The following MYO7A variants were observed in gnomAD, a reference collection of about 807,000 sequenced individuals.
The protein encoded by MYO7A is unconventional myosin-VIIa.
MYO7A carries 210 observed loss-of-function variants against 263.8 expected under a neutral mutation model. The observed-to-expected ratio is 0.80, with a 90% CI of 0.71 to 0.89. The LOEUF is 0.89. Among genes scored for constraint, MYO7A ranks in the 40% least tolerant of loss-of-function variants. MYO7A has a pLI of 0.00. For missense variants in MYO7A, 2,820 were observed against 2,968.3 expected, an observed-to-expected ratio of 0.95 and a Z score of 1.16; for synonymous variants, 1,239 against 1,197.3, an observed-to-expected ratio of 1.03 and a Z score of -0.72.
chr11:77,209,923 A>G (rs1170153355), intron 44 of MYO7A, among the ~76,000 whole-genome samples: 1 of 152,068 alleles, frequency 6.6e-6, no homozygotes. Context: ...CTTGCCTTGT[A>G]CCTGGCTCTC....
In MYO7A at chr11:77,142,851, C is replaced by T. The variant is rs1555051611; in HGVS notation, c.132+29C>T. 10 of 1,551,000 alleles carry T rather than the reference C, an allele frequency of 6.4e-6. No individual in the cohort carries two copies. The South Asian group carries it at 8.3e-5, about 13-fold the overall frequency. On this transcript the variant is annotated intron_variant, in intron 3 of 48. Coordinates refer to ENST00000409709, the MANE Select transcript of MYO7A (RefSeq NM_000260.4). The stretch of plus-strand genomic sequence containing the variant: ...AGTAGTCCCCTCCCTCCTCCTGCCC[C>T]ATGCCTTGGGGTCAGACCTGGGCTG...
intron 15 of MYO7A, among the ~76,000 whole-genome samples, chr11:77,168,610 C>T (rs1463446092): frequency 6.6e-6 from 1 of 152,126 alleles, no homozygotes; most frequent in Non-Finnish European, 1.5e-5. Flanking sequence ...GCCTGGGCAA[C>T]ATAGTGAGAC....
intron 32 of MYO7A, among the ~76,000 whole-genome samples, chr11:77,196,418 T>C (rs930430312): frequency 1.1e-4 from 17 of 151,420 alleles, no homozygotes; most frequent in African/African-American, 3.9e-4. Flanking sequence ...TCTGAGTTGC[T>C]GGGGGTGAGG....
rs568495838 is a variant in MYO7A, at chr11:77,184,687, G to A, written c.3475G>A (p.Gly1159Ser). The A allele has an allele frequency of 3.1e-5, 49 of 1,599,560 alleles. No homozygotes were observed. The highest frequency in any genetic ancestry group is 2.9e-4 in the East Asian group (13 of 44,432). The change falls in exon 27 of 49, where the codon GGC becomes AGC. Residue 1159 changes from glycine (G) to serine (S), a missense_variant. Coordinates refer to ENST00000409709, the MANE Select transcript of MYO7A (RefSeq NM_000260.4). ...CCTGGAGAAGCTGCACTTCATCATCGGCAATGGCATCCTGCGGCCAGCACT... is the reference window on the plus strand; with the variant it reads ...CCTGGAGAAGCTGCACTTCATCATCAGCAATGGCATCCTGCGGCCAGCACT... ...SNLEKLHFIIGNGILRPALRD... is the reference protein window; with the variant it reads ...SNLEKLHFIISNGILRPALRD...
At chr11:77,178,502 G>A (rs1186523881) in intron 19 of MYO7A, among the ~76,000 whole-genome samples, 1 of 151,658 alleles carries the variant, frequency 6.6e-6, no homozygotes, top group African/African-American at 2.4e-5. Context: ...TTGCATACTT[G>A]CACACCCATC....
intron 15 of MYO7A, among the ~76,000 whole-genome samples, chr11:77,171,932 G>T (rs557784214): frequency 5.3e-5 from 8 of 152,286 alleles, no homozygotes; most frequent in African/African-American, 1.7e-4. Context: ...TGCCAGGATC[G>T]CCCAGGTGTG....
intron 37 of MYO7A, 95 bp downstream of exon 37, chr11:77,202,519 C>G: frequency 6.8e-7 from 1 of 1,469,046 alleles, no homozygotes; most frequent in South Asian, 1.3e-5. Context: ...TTGTGAAGCC[C>G]CCACCTGTGA....
At chr11:77,209,200 T>G in intron 44 of MYO7A, 1 of 196,912 alleles carries the variant, frequency 5.1e-6, no homozygotes. Context: ...ATTATGTGTC[T>G]GGCACTCTTC....
chr11:77,173,109 G>T (rs1466844398), intron 16 of MYO7A, among the ~76,000 whole-genome samples: 1 of 152,232 alleles, frequency 6.6e-6, no homozygotes, highest in East Asian at 1.9e-4. Flanking sequence ...TTCAGATCCT[G>T]CCTCTACCAT....
intron 32 of MYO7A, among the ~76,000 whole-genome samples, chr11:77,196,227 C>A (rs1014156274): frequency 1.3e-5 from 2 of 152,130 alleles, no homozygotes; most frequent in Non-Finnish European, 2.9e-5. Context: ...ATTCACCAGG[C>A]GTGGTGGTGG....
chr11:77,202,907 G>A lies in MYO7A; in HGVS notation c.5169-153G>A, dbSNP rs547593903. On this transcript the variant is annotated intron_variant, in intron 37 of 48. Transcript: ENST00000409709. The stretch of plus-strand genomic sequence containing the variant: ...CCAGTGACTGCCAGTGACTCGCCTC[G>A]GGTCACATGCAGGGCAGGGAAGAGC... Among the ~76,000 whole-genome samples, 323 of 151,854 alleles carry A rather than the reference G, an allele frequency of 2.1e-3. 1 individual carries two copies. The highest frequency in any genetic ancestry group is 5.8e-3 in the South Asian group (28 of 4,794).
intron 39 of MYO7A, 140 bp downstream of exon 39, chr11:77,204,369 T>C: frequency 8.2e-7 from 1 of 1,225,840 alleles, no homozygotes; most frequent in Non-Finnish European, 1.1e-6. Context: ...ATGGGCCCCC[T>C]CACATCCTAG....
chr11:77,196,063 A>G (rs980901610), intron 32 of MYO7A, among the ~76,000 whole-genome samples: 4 of 152,088 alleles, frequency 2.6e-5, no homozygotes, highest in Non-Finnish European at 5.9e-5. Context: ...CTCATTAGTG[A>G]CCTCTTTAAA....
At chr11:77,156,838 A>G (rs1952514241) in intron 6 of MYO7A, 24 bp from the exon 7 acceptor site, 4 of 1,613,948 alleles carry the variant, frequency 2.5e-6, no homozygotes, top group Non-Finnish European at 3.4e-6. Flanking sequence ...GGGCTTTGCC[A>G]GTGACACCCT....
chr11:77,181,043 G>T (rs1555083798), intron 22 of MYO7A, among the ~76,000 whole-genome samples: 1 of 152,220 alleles, frequency 6.6e-6, no homozygotes, highest in African/African-American at 2.4e-5. Flanking sequence ...GCTACTATAT[G>T]GGTGGCTCAC....
intron 14 of MYO7A, among the ~76,000 whole-genome samples, chr11:77,164,310 C>T (rs909622839): frequency 1.4e-4 from 20 of 143,900 alleles, no homozygotes; most frequent in South Asian, 5.0e-4. Context: ...GCTGTGTCTA[C>T]CCTGAGCCCT....
At chr11:77,199,460 G>C (rs929629060) in intron 34 of MYO7A, 75 bp from the exon 35 acceptor site, 29 of 1,400,732 alleles carry the variant, frequency 2.1e-5, no homozygotes, top group Admixed American at 2.9e-5. Flanking sequence ...GACTTAGCCT[G>C]AGATGTGTCT....
chr11:77,129,437 C>T (rs1267568043), intron 1 of MYO7A, among the ~76,000 whole-genome samples: 1 of 152,162 alleles, frequency 6.6e-6, no homozygotes, highest in Non-Finnish European at 1.5e-5. Flanking sequence ...AATTGATGCG[C>T]ATTCTAGGAG....
intron 34 of MYO7A, among the ~76,000 whole-genome samples, chr11:77,198,882 C>T (rs1035301182): frequency 6.6e-6 from 1 of 152,202 alleles, no homozygotes; most frequent in Non-Finnish European, 1.5e-5. Flanking sequence ...TACAAAAGAG[C>T]TTGACCTGGG....
Sources: gnomAD v4.1 joint callset for allele counts (sites outside exome capture counted in the v4.1 genomes callset) on GRCh38, gnomAD v4.1.1 for gene constraint, MANE v1.5 for transcripts, NCBI Gene and HGNC (gene_info 2026-07-23, HGNC 2026-07-21) for gene names.